The following ADGRL3 variants were observed in gnomAD, a reference collection of about 807,000 sequenced individuals.
ADGRL3 encodes the protein adhesion G protein-coupled receptor L3.
ADGRL3 carries 62 observed loss-of-function variants against 153.5 expected under a neutral mutation model. That is an observed-to-expected ratio of 0.40 (90% CI 0.33 to 0.50). The LOEUF (loss-of-function observed/expected upper bound fraction) is 0.50. Ranked by LOEUF, ADGRL3 falls within the 20% of genes least tolerant of loss-of-function variation. The pLI, the probability that ADGRL3 is intolerant of heterozygous loss-of-function variation, is 0.47. For synonymous variants in ADGRL3, 710 were observed against 672.5 expected (o/e 1.06, Z -0.86); for missense variants, 1,641 against 1,859.4 (o/e 0.88, Z 2.16).
intron 2 of ADGRL3, among the ~76,000 whole-genome samples, chr4:61,420,928 T>G (rs951414243): frequency 2.6e-5 from 4 of 152,190 alleles, no homozygotes; most frequent in African/African-American, 9.7e-5. Flanking sequence ...TTTTGTAGTA[T>G]TAGTGGAAGG....
intron 1 of ADGRL3, among the ~76,000 whole-genome samples, chr4:61,318,193 C>CAAAAA (rs757545966): frequency 2.7e-4 from 13 of 48,596 alleles, no homozygotes; most frequent in South Asian, 8.5e-4. Flanking sequence ...GAACCTGTCT[C>CAAAAA]AAAAAAAAAA....
chr4:61,972,790 G>A (rs534678990), intron 17 of ADGRL3, among the ~76,000 whole-genome samples: 1 of 152,206 alleles, frequency 6.6e-6, no homozygotes, highest in Admixed American at 6.5e-5. Context: ...CTACCCATGA[G>A]CATGGAATGT....
intron 4 of ADGRL3, among the ~76,000 whole-genome samples, chr4:61,565,182 T>C (rs997922593): frequency 4.6e-5 from 7 of 152,094 alleles, no homozygotes; most frequent in South Asian, 2.1e-4. Flanking sequence ...GGAAGTGCAA[T>C]GAAGCAAAGC....
Position 61,463,074 on chromosome 4 carries a change from G to A in ADGRL3, c.-173-34047G>A, listed in dbSNP as rs2097843071. Among the ~76,000 whole-genome samples the A allele has an allele frequency of 2.0e-5, 3 of 152,118 alleles. No homozygotes were observed. The South Asian group carries it at 6.2e-4, about 32-fold the overall frequency. Reference sequence around the variant, plus strand: ...GAAAATAACAAAAGGATCAGATGTGGCTCCTCTTAATTTTCCTAGTTTCTA... The same window carrying A: ...GAAAATAACAAAAGGATCAGATGTGACTCCTCTTAATTTTCCTAGTTTCTA... On this transcript the variant is annotated intron_variant, in intron 2 of 26. Coordinates refer to ENST00000683033, the MANE Select transcript of ADGRL3 (RefSeq NM_001387552.1).
At chr4:61,919,425 A>G (rs1208161937) in intron 13 of ADGRL3, among the ~76,000 whole-genome samples, 1 of 152,186 alleles carries the variant, frequency 6.6e-6, no homozygotes, top group Non-Finnish European at 1.5e-5. Flanking sequence ...AGAAAATATA[A>G]ATCTGCACCC....
At chr4:61,401,510 G>A (rs2096929887) in intron 2 of ADGRL3, among the ~76,000 whole-genome samples, 1 of 151,954 alleles carries the variant, frequency 6.6e-6, no homozygotes, top group South Asian at 2.1e-4. Flanking sequence ...TGCTTCTGCT[G>A]TAGGAACATA....
intron 21 of ADGRL3, among the ~76,000 whole-genome samples, chr4:62,023,322 A>G (rs1264296076): frequency 6.6e-6 from 1 of 152,198 alleles, no homozygotes; most frequent in Non-Finnish European, 1.5e-5. Context: ...CTTACAGTTG[A>G]GCAAAGAAAG....
At chr4:61,483,878 A>G (rs1369160614) in intron 2 of ADGRL3, among the ~76,000 whole-genome samples, 1 of 150,740 alleles carries the variant, frequency 6.6e-6, no homozygotes, top group East Asian at 1.9e-4. Flanking sequence ...TATATGAATT[A>G]ATAAGATTAC....
intron 4 of ADGRL3, among the ~76,000 whole-genome samples, chr4:61,556,575 A>C (rs183273299): frequency 6.6e-6 from 1 of 152,228 alleles, no homozygotes; most frequent in East Asian, 1.9e-4. Flanking sequence ...TATGGACAAC[A>C]ATTTGCAGTA....
intron 15 of ADGRL3, 73 bp from the exon 16 acceptor site, chr4:61,946,841 A>C: frequency 8.7e-7 from 1 of 1,149,050 alleles, no homozygotes; most frequent in East Asian, 2.4e-5. Context: ...ACATGGATTT[A>C]ATTTTCTATC....
At chr4:62,026,702 G>A (rs567820548) in intron 21 of ADGRL3, among the ~76,000 whole-genome samples, 1 of 152,086 alleles carries the variant, frequency 6.6e-6, no homozygotes, top group South Asian at 2.1e-4. Flanking sequence ...AGCAGATATG[G>A]AGGATGAACA....
At chr4:61,383,761 A>T (rs1272950728) in intron 2 of ADGRL3, among the ~76,000 whole-genome samples, 1 of 151,826 alleles carries the variant, frequency 6.6e-6, no homozygotes, top group African/African-American at 2.4e-5. Flanking sequence ...AAATATGTTT[A>T]TGAAGTCCAG....
intron 19 of ADGRL3, among the ~76,000 whole-genome samples, chr4:61,992,575 A>T (rs79186606): frequency 0.038 from 5,840 of 152,324 alleles, 163 homozygotes; most frequent in Non-Finnish European, 0.055. Context: ...GATTCTTGCC[A>T]CACAGCCTTC....
intron 5 of ADGRL3, among the ~76,000 whole-genome samples, chr4:61,594,723 G>C (rs2098982161): frequency 6.6e-6 from 1 of 152,124 alleles, no homozygotes; most frequent in African/African-American, 2.4e-5. Flanking sequence ...AAGCCAGCAT[G>C]GTACTGGGAC....
chr4:61,471,692 A>T (rs1308153396), intron 2 of ADGRL3, among the ~76,000 whole-genome samples: 1 of 151,966 alleles, frequency 6.6e-6, no homozygotes, highest in Non-Finnish European at 1.5e-5. Flanking sequence ...TTTAGAGACC[A>T]TTTCTATTTT....
At chr4:61,456,909 G>A (rs1374365258) in intron 2 of ADGRL3, among the ~76,000 whole-genome samples, 2 of 151,928 alleles carry the variant, frequency 1.3e-5, no homozygotes, top group African/African-American at 4.8e-5. Flanking sequence ...TTTTGTAGGA[G>A]TAGGCTGTTT....
intron 5 of ADGRL3, among the ~76,000 whole-genome samples, chr4:61,668,967 T>G (rs906178235): frequency 2.6e-5 from 4 of 152,102 alleles, no homozygotes; most frequent in Middle Eastern, 3.2e-3. Flanking sequence ...TGCAGTGAGT[T>G]AAGATCATAC....
intron 8 of ADGRL3, among the ~76,000 whole-genome samples, chr4:61,763,498 G>T (rs2096937953): frequency 1.3e-5 from 2 of 152,012 alleles, no homozygotes; most frequent in South Asian, 4.2e-4. Flanking sequence ...ATTGTGAATT[G>T]CCTGTCATAT....
At chr4:61,985,517 G>C (rs577008407) in intron 19 of ADGRL3, among the ~76,000 whole-genome samples, 1 of 152,096 alleles carries the variant, frequency 6.6e-6, no homozygotes, top group Non-Finnish European at 1.5e-5. Flanking sequence ...GATGAGGTTA[G>C]ATAACTTCAA....
Sources: gnomAD v4.1 joint callset for allele counts (sites outside exome capture counted in the v4.1 genomes callset) on GRCh38, gnomAD v4.1.1 for gene constraint, MANE v1.5 for transcripts, NCBI Gene and HGNC (gene_info 2026-07-23, HGNC 2026-07-21) for gene names.